The following NMBR variants were observed in gnomAD, a reference collection of about 807,000 sequenced individuals.
NMBR encodes neuromedin B receptor.
NMBR carries 16 observed loss-of-function variants against 20.5 expected under a neutral mutation model. The ratio of observed to expected loss-of-function variants is 0.78; its 90% confidence interval spans 0.53 to 1.19. NMBR has a LOEUF of 1.19. NMBR is among the 50% of genes most tolerant of loss of function. NMBR has a pLI of 0.00. For synonymous variants in NMBR, 212 were observed against 196.6 expected (o/e 1.08, Z -0.65); for missense variants, 582 against 499.1 (o/e 1.17, Z -1.58).
At chr6:142,076,685 G>C (rs140282643) in intron 3 of NMBR, among the ~76,000 whole-genome samples, 92 of 152,274 alleles carry the variant, frequency 6.0e-4, no homozygotes, top group African/African-American at 2.1e-3. Context: ...GGGTATTCAA[G>C]AGTGTAATAA....
At chr6:142,076,674 A>G (rs1436417945) in intron 3 of NMBR, among the ~76,000 whole-genome samples, 3 of 152,222 alleles carry the variant, frequency 2.0e-5, no homozygotes, top group Non-Finnish European at 2.9e-5. Flanking sequence ...TGTTTCTAAG[A>G]GGGTATTCAA....
At position 142,147,080 on chromosome 6, in the gene NMBR, C is replaced by A; in HGVS notation, c.-700G>T. ...GCTAGCGCCATGCGCGGCATAAGCG[C>A]CAAAATGCTCGGGTCTTCTGTGGGT... On this transcript the variant is annotated 5_prime_UTR_variant, in exon 1 of 4. Transcript: ENST00000258042. The A allele has an allele frequency of 7.0e-6, 4 of 573,216 alleles. No homozygotes were observed. The South Asian group carries it at 9.0e-5, about 13-fold the overall frequency. The allele number at this position is 573,216 out of a possible 1,614,324, so 35.5% of individuals were successfully genotyped here. A position where few individuals can be genotyped will look rare whatever the true frequency, so the allele number is the denominator to read the frequency against.
chr6:142,119,139 C>T (rs537663604), intron 1 of NMBR, among the ~76,000 whole-genome samples: 36 of 152,082 alleles, frequency 2.4e-4, no homozygotes, highest in African/African-American at 5.8e-4. Flanking sequence ...ACTGGTTATG[C>T]GTCAGCCTCT....
At position 142,118,802 on chromosome 6, in the gene NMBR, G is replaced by T. The variant is rs1462087709; in HGVS notation, c.-664+28242C>A. ...TTGGCCTATGTCAAGTCTCACAAAGGGTGAGAGTAGCAGATTGTCAGCATT... is the reference window on the plus strand; with the variant it reads ...TTGGCCTATGTCAAGTCTCACAAAGTGTGAGAGTAGCAGATTGTCAGCATT... On this transcript the variant is annotated intron_variant, in intron 1 of 3. Coordinates refer to ENST00000258042, the MANE Select transcript of NMBR (RefSeq NM_002511.4). Among the ~76,000 whole-genome samples the T allele has an allele frequency of 3.9e-5, 6 of 151,910 alleles. No individual in the cohort carries two copies. In the East Asian group the frequency reaches 1.2e-3, roughly 29 times the overall value.
Position 142,075,505 on chromosome 6 carries a change from G to T in NMBR, c.*143C>A. Reference sequence around the variant, plus strand: ...GAAAAGAGAAAAAATAAAGTCTAGTGTAGAGAAAAAATGTCTTGCATTTTC... The same window carrying T: ...GAAAAGAGAAAAAATAAAGTCTAGTTTAGAGAAAAAATGTCTTGCATTTTC... On this transcript the variant is annotated 3_prime_UTR_variant, in exon 4 of 4. Transcript: ENST00000258042. 1 of 700,708 alleles carries T rather than the reference G, an allele frequency of 1.4e-6. No individual in the cohort carries two copies. The highest frequency in any genetic ancestry group is 2.8e-5 in the East Asian group (1 of 36,188). 43.4% of individuals were successfully genotyped at this position (700,708 alleles called of 1,614,324 possible).
chr6:142,125,723 C>T (rs1380122017), intron 1 of NMBR, among the ~76,000 whole-genome samples: 1 of 151,832 alleles, frequency 6.6e-6, no homozygotes, highest in Non-Finnish European at 1.5e-5. Flanking sequence ...TCAGATTTAT[C>T]ATGGTATACC....
Position 142,075,472 on chromosome 6 carries a change from T to C in NMBR, c.*176A>G. ...AAGTCTTTTCTCATATTCTAATTAT[T>C]AGGAAATGAAAAGAGAAAAAATAAA... On this transcript the variant is annotated 3_prime_UTR_variant, in exon 4 of 4. Transcript: ENST00000258042. 1 of 554,788 alleles carries C rather than the reference T, an allele frequency of 1.8e-6. No individual in the cohort carries two copies. Among genetic ancestry groups the C allele is most frequent in the Non-Finnish European group, 3.1e-6 (1 of 318,198 alleles). 34.4% of individuals were successfully genotyped at this position (554,788 alleles called of 1,614,324 possible).
intron 2 of NMBR, among the ~76,000 whole-genome samples, chr6:142,083,629 G>C (rs896657479): frequency 6.6e-5 from 10 of 151,988 alleles, no homozygotes; most frequent in African/African-American, 2.4e-4. Flanking sequence ...TCTCATGGTA[G>C]TGAGTGAGTT....
intron 1 of NMBR, among the ~76,000 whole-genome samples, chr6:142,143,542 C>CA (rs1778388288): frequency 6.6e-6 from 1 of 152,180 alleles, no homozygotes; most frequent in African/African-American, 2.4e-5. Flanking sequence ...CCTCGGCTTC[C>CA]CAAAGTGCTG....
intron 1 of NMBR, among the ~76,000 whole-genome samples, chr6:142,091,760 C>CA (rs552755574): frequency 1.9e-4 from 29 of 152,006 alleles, no homozygotes; most frequent in South Asian, 6.2e-4. Context: ...GCAATTATGT[C>CA]AAAAAAATGT....
At chr6:142,083,721 G>T (rs1000522880) in intron 2 of NMBR, among the ~76,000 whole-genome samples, 3 of 152,096 alleles carry the variant, frequency 2.0e-5, no homozygotes, top group Non-Finnish European at 4.4e-5. Context: ...AGACATGCTT[G>T]CTTCCCCTTC....
At position 142,126,259 on chromosome 6, in the gene NMBR, C is replaced by CTG. The variant is rs746197142; in HGVS notation, c.-664+20784_-664+20785insCA. Among the ~76,000 whole-genome samples, 696 of 149,094 alleles carry CTG rather than the reference C, an allele frequency of 4.7e-3. 4 individuals are homozygous for CTG. The highest frequency in any genetic ancestry group is 0.012 in the African/African-American group (507 of 40,706). On this transcript the variant is annotated intron_variant, in intron 1 of 3. Coordinates refer to ENST00000258042, the MANE Select transcript of NMBR (RefSeq NM_002511.4). ...AGGGCTTAACAATATTCCTCTCTCT[C>CTG]TCTGTGTGTGTGTGTGTGTGTGTGT... is the stretch of plus-strand genomic sequence containing the variant.
chr6:142,118,465 T>G (rs1777889161), intron 1 of NMBR, among the ~76,000 whole-genome samples: 1 of 152,092 alleles, frequency 6.6e-6, no homozygotes, highest in African/African-American at 2.4e-5. Context: ...TCCCTTCAGT[T>G]TTAGCTAGGA....
chr6:142,122,544 T>G (rs1000592548), intron 1 of NMBR, among the ~76,000 whole-genome samples: 3 of 151,944 alleles, frequency 2.0e-5, no homozygotes, highest in Admixed American at 2.0e-4. Flanking sequence ...AGCTTTATAC[T>G]GGGAAAAGAT....
At chr6:142,102,157 G>T (rs966397552) in intron 1 of NMBR, among the ~76,000 whole-genome samples, 1 of 152,096 alleles carries the variant, frequency 6.6e-6, no homozygotes, top group Non-Finnish European at 1.5e-5. Flanking sequence ...GGGAGGCTGA[G>T]GCAGGCGGAT....
intron 1 of NMBR, among the ~76,000 whole-genome samples, chr6:142,090,415 G>C (rs1314719086): frequency 6.6e-6 from 1 of 151,490 alleles, no homozygotes; most frequent in Non-Finnish European, 1.5e-5. Context: ...AATTGAATTA[G>C]ACAAGGTAAA....
At chr6:142,116,930 T>C (rs1431564927) in intron 1 of NMBR, among the ~76,000 whole-genome samples, 1 of 152,018 alleles carries the variant, frequency 6.6e-6, no homozygotes. Flanking sequence ...TTATTAGAAA[T>C]CTGCCACCTC....
intron 1 of NMBR, chr6:142,134,163 C>G: frequency 2.0e-6 from 1 of 495,842 alleles, no homozygotes; most frequent in Admixed American, 3.5e-5. Context: ...GTTACTTTTT[C>G]TTTAATTAGC....
At chr6:142,126,300 A>C (rs1161210662) in intron 1 of NMBR, among the ~76,000 whole-genome samples, 2 of 150,910 alleles carry the variant, frequency 1.3e-5, no homozygotes, top group Non-Finnish European at 3.0e-5. Context: ...TTCTTTATAC[A>C]TTAATCTGTG....
Sources: allele counts gnomAD v4.1 joint callset (sites outside exome capture counted in the v4.1 genomes callset), GRCh38; gene constraint gnomAD v4.1.1; transcripts MANE v1.5; gene names NCBI Gene and HGNC (gene_info 2026-07-23, HGNC 2026-07-21).